The following ASTN1 variants were observed in gnomAD, a reference collection of about 807,000 sequenced individuals.
The protein encoded by ASTN1 is astrotactin-1.
In ASTN1, 41 loss-of-function variants were observed where a neutral mutation model predicts 140.7. That is an observed-to-expected ratio of 0.29 (90% CI 0.23 to 0.38). The LOEUF is 0.38. Ranked by LOEUF, ASTN1 falls within the 10% of genes least tolerant of loss-of-function variation. The pLI is 1.00. For missense variants in ASTN1, 1,479 were observed against 1,678.8 expected (o/e 0.88, Z 2.08); for synonymous variants, 640 against 652.2 (o/e 0.98, Z 0.29).
chr1:177,051,869 C>A (rs1052955869), intron 2 of ASTN1, among the ~76,000 whole-genome samples: 2 of 152,056 alleles, frequency 1.3e-5, no homozygotes, highest in Non-Finnish European at 2.9e-5. Context: ...GTGTGGATAC[C>A]TGGGCAGTGA....
chr1:176,903,304 T>C (rs1362547846), intron 16 of ASTN1, among the ~76,000 whole-genome samples: 2 of 151,442 alleles, frequency 1.3e-5, no homozygotes, highest in East Asian at 3.9e-4. Context: ...TCTCCCCATT[T>C]CTTCCCATAT....
At chr1:176,963,334 T>C (rs970365999) in intron 9 of ASTN1, among the ~76,000 whole-genome samples, 1 of 152,228 alleles carries the variant, frequency 6.6e-6, no homozygotes, top group Non-Finnish European at 1.5e-5. Context: ...TAGAATTTTT[T>C]AGAGTGGTCG....
chr1:177,147,942 G>A lies in ASTN1; in HGVS notation c.283+16452C>T, dbSNP rs1003330108. 2.2e-4 allele frequency among the ~76,000 whole-genome samples: 33 copies of A among 152,150 alleles called. 1 individual carries two copies. The highest frequency in any genetic ancestry group is 2.0e-3 in the Admixed American group (30 of 15,282). On this transcript the variant is annotated intron_variant, in intron 1 of 22. Coordinates refer to ENST00000361833, the MANE Select transcript of ASTN1 (RefSeq NM_004319.3). ...TCCATATGGAAGGGATGCCTGAACTGTTGCAGCTATCTTACTACCAGCCTG... is the reference window on the plus strand; with the variant it reads ...TCCATATGGAAGGGATGCCTGAACTATTGCAGCTATCTTACTACCAGCCTG...
chr1:177,035,857 C>A lies in ASTN1; in HGVS notation c.472-3008G>T, dbSNP rs537732785. Reference sequence around the variant, plus strand: ...AAAATTCTCTTAACCATGTGTGGAGCCTAGACACTCAATTAAGAATATTTT... The same window carrying A: ...AAAATTCTCTTAACCATGTGTGGAGACTAGACACTCAATTAAGAATATTTT... On this transcript the variant is annotated intron_variant, in intron 2 of 22. Transcript: ENST00000361833. Among the ~76,000 whole-genome samples, 8 of 152,178 alleles carry A rather than the reference C, an allele frequency of 5.3e-5. No homozygotes were observed. In the South Asian group the frequency reaches 1.7e-3, roughly 32 times the overall value.
intron 1 of ASTN1, among the ~76,000 whole-genome samples, chr1:177,074,006 T>G (rs1435795602): frequency 6.6e-6 from 1 of 152,116 alleles, no homozygotes; most frequent in African/African-American, 2.4e-5. Context: ...AGAATACTAT[T>G]GTGTTCCTCA....
At chr1:176,857,890 C>T (rs549414522), downstream of ASTN1, among the ~76,000 whole-genome samples, 4 of 152,236 alleles carry the variant, frequency 2.6e-5, no homozygotes, top group South Asian at 2.1e-4. Flanking sequence ...AGGGACAGGG[C>T]GTGAGTCGGT....
At chr1:176,898,618 T>C (rs1669630097) in intron 16 of ASTN1, among the ~76,000 whole-genome samples, 1 of 152,238 alleles carries the variant, frequency 6.6e-6, no homozygotes, top group Non-Finnish European at 1.5e-5. Context: ...GTTCAGGTCC[T>C]AAAAGCTTCA....
At chr1:177,002,368 TACACACAAACACAC>T (rs1393497708) in intron 8 of ASTN1, among the ~76,000 whole-genome samples, 11 of 94,292 alleles carry the variant, frequency 1.2e-4, no homozygotes, top group African/African-American at 4.4e-4. Flanking sequence ...AAATGTGCCT[TACACACAAACACAC>T]ACACACACAC....
intron 1 of ASTN1, among the ~76,000 whole-genome samples, chr1:177,114,134 T>C (rs996744855): frequency 6.6e-5 from 10 of 152,310 alleles, no homozygotes; most frequent in African/African-American, 2.2e-4. Flanking sequence ...GTCAGCTGCC[T>C]GGGTTGCTTC....
At chr1:176,979,210 T>C (rs1673499298) in intron 8 of ASTN1, among the ~76,000 whole-genome samples, 2 of 152,198 alleles carry the variant, frequency 1.3e-5, no homozygotes, top group African/African-American at 4.8e-5. Flanking sequence ...TCAAGACTCC[T>C]GCATGCTCTA....
At chr1:177,118,448 G>T (rs1357235884) in intron 1 of ASTN1, among the ~76,000 whole-genome samples, 3 of 152,154 alleles carry the variant, frequency 2.0e-5, no homozygotes, top group African/African-American at 7.2e-5. Context: ...TCTAAAAGAA[G>T]TAATTTATCT....
rs141667546 is a variant in ASTN1 at position 176,971,201 on chromosome 1, G to A, written c.1524-5964C>T. On this transcript the variant is annotated intron_variant, in intron 8 of 22. Transcript: ENST00000361833. The stretch of plus-strand genomic sequence containing the variant: ...AGAAAGGCAGTTTGCAATATATACA[G>A]GAGAAGGGTGAAGAGAAAAATGGCA... Among the ~76,000 whole-genome samples, 1,349 of 152,254 alleles carry A rather than the reference G, an allele frequency of 8.9e-3. 24 individuals carry two copies. Among genetic ancestry groups the A allele is most frequent in the African/African-American group, 0.03 (1,226 of 41,540 alleles).
At position 176,894,739 on chromosome 1, in the gene ASTN1, G is replaced by T. The variant is rs1160945012; in HGVS notation, c.2763C>A (p.Gly921=). Residue 921 remains glycine, a synonymous_variant, in exon 17 of 23, where the codon GGC becomes GGA. Coordinates refer to ENST00000361833, the MANE Select transcript of ASTN1 (RefSeq NM_004319.3). ...GGACTCCAGCCGCCATGTGCTTGGT[G>T]CCGGAGTCTGACAAGCTGGTGATGT... is the stretch of plus-strand genomic sequence containing the variant. ...PEYITSLSDS[G]TKHMAAGVRM... 6.2e-7 allele frequency: 1 copy of T among 1,614,084 alleles called. No individual in the cohort carries two copies. The highest frequency in any genetic ancestry group is 8.5e-7 in the Non-Finnish European group (1 of 1,179,932).
intron 1 of ASTN1, among the ~76,000 whole-genome samples, chr1:177,074,641 C>A (rs1299826854): frequency 6.6e-6 from 1 of 152,182 alleles, no homozygotes; most frequent in African/African-American, 2.4e-5. Flanking sequence ...TCCTTGCAGA[C>A]AAGAATCTTT....
chr1:177,086,252 T>C lies in ASTN1; in HGVS notation c.284-24987A>G, dbSNP rs1037123911. ...TCTTTCCTCTTTCTTGTCTCTCTAGTGGCACTTTCTCTGTAGTGTCATGAA... is the reference window on the plus strand; with the variant it reads ...TCTTTCCTCTTTCTTGTCTCTCTAGCGGCACTTTCTCTGTAGTGTCATGAA... On this transcript the variant is annotated intron_variant, in intron 1 of 22. Transcript: ENST00000361833. 2.5e-5 allele frequency among the ~76,000 whole-genome samples: 3 copies of C among 122,182 alleles called. No individual in the cohort carries two copies. The Admixed American group carries it at 2.7e-4, about 11-fold the overall frequency. The allele number at this position is 122,182 out of a possible 152,430, so 80.2% of individuals were successfully genotyped here.
Position 177,030,942 on chromosome 1 carries a change from A to C in ASTN1, c.876T>G (p.Asn292Lys). 1 of 1,613,004 alleles carries C rather than the reference A, an allele frequency of 6.2e-7. No homozygotes were observed. The highest frequency in any genetic ancestry group is 8.5e-7 in the Non-Finnish European group (1 of 1,179,416). ...SGMDLTPGSD[N>K]AKLSLMNKYK... ...ACTTGTTCATCAGTGACAGCTTGGC[A>C]TTGTCACTTCCTGTATAAGGAAAAG... The change falls in exon 4 of 23, where the codon AAT (asparagine) becomes AAG (lysine). Residue 292 changes from asparagine to lysine, a missense_variant. Asn to Lys is a moderately conservative substitution (Grantham distance 94, BLOSUM62 0). Around this residue, in one of 3 missense-constraint regions of ASTN1, gnomAD observed 729 missense variants for 860.4 expected, o/e 0.85. Transcript: ENST00000361833.
intron 16 of ASTN1, among the ~76,000 whole-genome samples, chr1:176,897,575 A>G (rs1336034047): frequency 2.0e-5 from 3 of 152,158 alleles, no homozygotes; most frequent in Non-Finnish European, 2.9e-5. Flanking sequence ...GGGAGGAAAA[A>G]AAAATGGATA....
intron 1 of ASTN1, among the ~76,000 whole-genome samples, chr1:177,076,253 T>C (rs1678898749): frequency 7.8e-6 from 1 of 127,644 alleles, no homozygotes; most frequent in Non-Finnish European, 1.6e-5. Flanking sequence ...CACTCCAGCC[T>C]GGATGACAGA....
At chr1:176,980,845 T>C (rs962638099) in intron 8 of ASTN1, among the ~76,000 whole-genome samples, 3 of 152,174 alleles carry the variant, frequency 2.0e-5, no homozygotes, top group Non-Finnish European at 4.4e-5. Flanking sequence ...GTAATTAACA[T>C]GTATGCTTCT....
Sources: gnomAD v4.1 joint callset for allele counts (sites outside exome capture counted in the v4.1 genomes callset) on GRCh38, gnomAD v4.1.1 for gene constraint, gnomAD v4.1.1 regional missense constraint, MANE v1.5 for transcripts, NCBI Gene and HGNC (gene_info 2026-07-23, HGNC 2026-07-21) for gene names.